Variants in SQOR observed in about 807,000 individuals in gnomAD.
SQOR encodes the protein sulfide:quinone oxidoreductase, mitochondrial.
In SQOR, 39 loss-of-function variants were observed where a neutral mutation model predicts 48.6. That is an observed-to-expected ratio of 0.80 (90% CI 0.62 to 1.05). The LOEUF (loss-of-function observed/expected upper bound fraction) is 1.05, where lower values mean the gene tolerates loss of function less well. Ranked by LOEUF, SQOR falls within the 50% of genes least tolerant of loss-of-function variation. The pLI is 0.00. For missense variants in SQOR, 561 were observed against 559.9 expected (o/e 1.00, Z -0.02); for synonymous variants, 220 against 206.2 (o/e 1.07, Z -0.57).
chr15:45,660,323 G>C (rs1889696826), intron 2 of SQOR, among the ~76,000 whole-genome samples: 1 of 152,174 alleles, frequency 6.6e-6, no homozygotes, highest in South Asian at 2.1e-4. Context: ...AGGAAACTAG[G>C]GGGCAGTCTC....
intron 1 of SQOR, among the ~76,000 whole-genome samples, chr15:45,647,652 G>A: frequency 6.6e-6 from 1 of 151,834 alleles, no homozygotes; most frequent in East Asian, 2.0e-4. Flanking sequence ...CGGTGGCTCA[G>A]GCCGGTAAAT....
At chr15:45,668,232 C>T (rs539112082) in intron 3 of SQOR, among the ~76,000 whole-genome samples, 78 of 152,340 alleles carry the variant, frequency 5.1e-4, no homozygotes, top group African/African-American at 1.9e-3. Flanking sequence ...GCATGAGCCA[C>T]TGCACTGGCC....
intron 1 of SQOR, among the ~76,000 whole-genome samples, chr15:45,648,092 T>C (rs1192442379): frequency 1.3e-5 from 2 of 152,228 alleles, no homozygotes; most frequent in African/African-American, 2.4e-5. Context: ...TATAAGGTTA[T>C]GAGGAGTCTT....
At chr15:45,672,781 T>TGTGCATGTGTCCTGTAC (rs2140955631) in intron 4 of SQOR, among the ~76,000 whole-genome samples, 1 of 152,356 alleles carries the variant, frequency 6.6e-6, no homozygotes, top group South Asian at 2.1e-4. Context: ...ACATTTGCCA[T>TGTGCATGTGTCCTGTAC]GTGCATGTGT....
At chr15:45,664,482 T>A (rs1889776947) in intron 3 of SQOR, among the ~76,000 whole-genome samples, 1 of 152,120 alleles carries the variant, frequency 6.6e-6, no homozygotes, top group African/African-American at 2.4e-5. Flanking sequence ...ATTTCATGGT[T>A]TCCAGTCCCC....
chr15:45,648,622 T>TGAG (rs201278917), intron 1 of SQOR, among the ~76,000 whole-genome samples: 7 of 152,312 alleles, frequency 4.6e-5, no homozygotes, highest in East Asian at 3.9e-4. Flanking sequence ...AGGATTTAGT[T>TGAG]GAGGAGGAGG....
At chr15:45,631,308 C>T (rs912302931), upstream of SQOR, 2 of 153,112 alleles carry the variant, frequency 1.3e-5, no homozygotes, top group Middle Eastern at 3.4e-3. Context: ...ATTAATACAA[C>T]CTGTTCATCT....
At chr15:45,689,443 A>G in intron 9 of SQOR, 1 of 320,910 alleles carries the variant, frequency 3.1e-6, no homozygotes, top group Non-Finnish European at 5.7e-6. Flanking sequence ...TTTGAGACAG[A>G]GTCTTGCTCT....
chr15:45,647,794 T>C (rs1889370031), intron 1 of SQOR, among the ~76,000 whole-genome samples: 1 of 152,026 alleles, frequency 6.6e-6, no homozygotes, highest in African/African-American at 2.4e-5. Context: ...TGGGTGCCTG[T>C]AATCCCAGCT....
intron 6 of SQOR, 47 bp from the exon 7 acceptor site, chr15:45,682,431 T>C (rs1890139798): frequency 6.2e-7 from 1 of 1,603,472 alleles, no homozygotes; most frequent in Non-Finnish European, 8.5e-7. Flanking sequence ...TGTGGAGCTG[T>C]AGAAATATTG....
At position 45,658,889 on chromosome 15, in the gene SQOR, C is replaced by G. The variant is rs752283192; in HGVS notation, c.-17-18C>G. On this transcript the variant is annotated intron_variant, in intron 1 of 9. Coordinates refer to ENST00000260324, the MANE Select transcript of SQOR (RefSeq NM_021199.4). ...GGTTTCTACCTTGGCACTCACAGCC[C>G]TGTCTCTTCCCTTCCAGCCTGATCC... 48 of 1,474,554 alleles carry G rather than the reference C, an allele frequency of 3.3e-5. No homozygotes were observed. Among genetic ancestry groups the G allele is most frequent in the Non-Finnish European group, 4.2e-5 (46 of 1,105,886 alleles). The allele number at this position is 1,474,554 out of a possible 1,614,324, so 91.3% of individuals were successfully genotyped here.
intron 1 of SQOR, among the ~76,000 whole-genome samples, chr15:45,640,947 G>T (rs1895095173): frequency 6.6e-6 from 1 of 152,152 alleles, no homozygotes; most frequent in Non-Finnish European, 1.5e-5. Context: ...GGGGTTGAAG[G>T]GGAGCTAAGT....
At chr15:45,687,413 G>A (rs1016949461) in intron 7 of SQOR, among the ~76,000 whole-genome samples, 1 of 152,150 alleles carries the variant, frequency 6.6e-6, no homozygotes, top group African/African-American at 2.4e-5. Context: ...TGCCCATCTG[G>A]GCAGTCTTAA....
At position 45,669,951 on chromosome 15, in the gene SQOR, T is replaced by C; in HGVS notation, c.429T>C (p.Ile143=). ...DEKISYRYLI[I]ALGIQLDYEK... ...AGATCTCCTACCGATATCTTATTAT[T>C]GCTCTCGGAATCCAGCTGGACTATG... The change falls in exon 4 of 10, where the codon ATT becomes ATC. Residue 143 remains isoleucine (I), a synonymous_variant. Coordinates refer to ENST00000260324, the MANE Select transcript of SQOR (RefSeq NM_021199.4). 1 of 1,614,194 alleles carries C rather than the reference T, an allele frequency of 6.2e-7. No homozygotes were observed. The highest frequency in any genetic ancestry group is 8.5e-7 in the Non-Finnish European group (1 of 1,180,000).
At chr15:45,681,682 G>C (rs187754944) in intron 6 of SQOR, among the ~76,000 whole-genome samples, 2 of 152,184 alleles carry the variant, frequency 1.3e-5, no homozygotes, top group East Asian at 3.9e-4. Context: ...GCTGGAAGGA[G>C]TTTGTTAAAA....
chr15:45,635,795 T>C (rs1337155249), intron 1 of SQOR, among the ~76,000 whole-genome samples: 1 of 152,216 alleles, frequency 6.6e-6, no homozygotes, highest in African/African-American at 2.4e-5. Flanking sequence ...ATTTTTGTGC[T>C]GTGCACCCCT....
chr15:45,676,408 T>C, intron 6 of SQOR, 98 bp downstream of exon 6: 1 of 1,246,844 alleles, frequency 8.0e-7, no homozygotes, highest in Non-Finnish European at 1.1e-6. Context: ...CATCATTGTG[T>C]GCTGGGGAAG....
chr15:45,661,231 G>A (rs368073503), intron 2 of SQOR, among the ~76,000 whole-genome samples: 14 of 143,648 alleles, frequency 9.7e-5, no homozygotes, highest in Non-Finnish European at 1.8e-4. Context: ...GCAGTGAGCC[G>A]AGATCGTGCC....
rs781002187 is a variant in SQOR, at chr15:45,689,106, A to G, written c.1184A>G (p.Tyr395Cys). ...YNRVILAEFD[Y>C]KAEPLETFPF... is the part of the protein sequence containing the mutation. ...CGTGTGATTCTTGCTGAGTTTGACT[A>G]CAAAGCAGAGCCGCTAGAAACCTTC... Residue 395 changes from tyrosine to cysteine, a missense_variant, in exon 9 of 10, where the codon TAC (tyrosine) becomes TGC (cysteine). By Grantham distance (194) the Tyr-to-Cys change is radical (BLOSUM62 -2). Coordinates refer to ENST00000260324, the MANE Select transcript of SQOR (RefSeq NM_021199.4). 3.1e-6 allele frequency: 5 copies of G among 1,614,068 alleles called. No individual in the cohort carries two copies. Among genetic ancestry groups the G allele is most frequent in the Admixed American group, 3.3e-5 (2 of 60,004 alleles).
Sources: allele counts gnomAD v4.1 joint callset (sites outside exome capture counted in the v4.1 genomes callset), GRCh38; gene constraint gnomAD v4.1.1; transcripts MANE v1.5; gene names NCBI Gene and HGNC (gene_info 2026-07-23, HGNC 2026-07-21).